Variants in SMARCA2 observed in about 807,000 individuals in gnomAD.
SMARCA2 encodes the protein SWI/SNF-related matrix-associated actin-dependent regulator of chromatin subfamily A member 2.
A neutral mutation model predicts 199.8 loss-of-function variants in SMARCA2; 61 were observed. The observed-to-expected ratio is 0.31, with a 90% confidence interval of 0.25 to 0.38. SMARCA2 has a LOEUF of 0.38. SMARCA2 is among the 10% of genes least tolerant of loss of function. SMARCA2 has a pLI of 1.00. For synonymous variants in SMARCA2, 935 were observed against 732.0 expected (o/e 1.28, Z -4.48); for missense variants, 1,344 against 2,012.2 (o/e 0.67, Z 6.35).
intron 27 of SMARCA2, among the ~76,000 whole-genome samples, chr9:2,152,417 G>GTGGCTCA (rs1825124461): frequency 6.6e-6 from 1 of 152,116 alleles, no homozygotes; most frequent in Admixed American, 6.5e-5. Flanking sequence ...GCCAGGTGTG[G>GTGGCTCA]TGGCTCATGG....
At chr9:2,164,763 T>G (rs907440283) in intron 28 of SMARCA2, among the ~76,000 whole-genome samples, 1 of 152,210 alleles carries the variant, frequency 6.6e-6, no homozygotes, top group African/African-American at 2.4e-5. Flanking sequence ...ATTGAGTAGC[T>G]TTTTCTTTTT....
intron 23 of SMARCA2, among the ~76,000 whole-genome samples, chr9:2,107,404 G>A (rs1274514045): frequency 6.6e-6 from 1 of 152,096 alleles, no homozygotes; most frequent in African/African-American, 2.4e-5. Context: ...TGCAACCTCC[G>A]CCTCCTGGGT....
rs560895105 is a variant in SMARCA2 at position 2,158,728 on chromosome 9, T to A, written c.3982-2958T>A. 1.2e-5 allele frequency: 5 copies of A among 428,282 alleles called. No homozygotes were observed. The South Asian group carries it at 2.5e-4, about 21-fold the overall frequency. The allele number at this position is 428,282 out of a possible 1,614,324, so 26.5% of individuals were successfully genotyped here. On this transcript the variant is annotated intron_variant, in intron 27 of 33. Transcript: ENST00000349721. ...TGAGCCAGTTTAGTAAATAATTTTT[T>A]AAAATAAAAGAACAGTTTAAAATCT... is the stretch of plus-strand genomic sequence containing the variant.
chr9:2,116,586 C>T (rs1823227226), intron 25 of SMARCA2, among the ~76,000 whole-genome samples: 1 of 152,166 alleles, frequency 6.6e-6, no homozygotes, highest in African/African-American at 2.4e-5. Context: ...TCTTTAAGAG[C>T]TGTCTGAAGG....
chr9:2,190,762 G>GTGTT (rs1827823323), intron 32 of SMARCA2, among the ~76,000 whole-genome samples: 1 of 152,002 alleles, frequency 6.6e-6, no homozygotes, highest in Non-Finnish European at 1.5e-5. Flanking sequence ...GCATTCAAAA[G>GTGTT]TGTTTTCTTT....
intron 32 of SMARCA2, among the ~76,000 whole-genome samples, chr9:2,190,759 A>G (rs1223515624): frequency 6.6e-6 from 1 of 152,210 alleles, no homozygotes; most frequent in Non-Finnish European, 1.5e-5. Flanking sequence ...GAAGCATTCA[A>G]AAGTGTTTTC....
chr9:2,138,571 A>C (rs1174969169), intron 27 of SMARCA2, among the ~76,000 whole-genome samples: 4 of 152,230 alleles, frequency 2.6e-5, no homozygotes, highest in African/African-American at 9.6e-5. Flanking sequence ...GGCTTCCCAT[A>C]GTCCGTTCTT....
intron 27 of SMARCA2, chr9:2,157,868 G>A (rs555849385): frequency 7.5e-6 from 3 of 398,600 alleles, no homozygotes; most frequent in East Asian, 3.6e-5. Flanking sequence ...TGGACCTGCC[G>A]TCACGCAGTA....
chr9:2,087,019 G>A lies in SMARCA2; in HGVS notation c.2717G>A (p.Cys906Tyr), dbSNP rs746049324. 1 of 1,614,144 alleles carries A rather than the reference G, an allele frequency of 6.2e-7. No individual in the cohort carries two copies. Among genetic ancestry groups the A allele is most frequent in the South Asian group, 1.1e-5 (1 of 91,084 alleles). Residue 906 changes from cysteine to tyrosine, a missense_variant, in exon 18 of 34, where the codon TGC becomes TAC. Cys to Tyr is a radical substitution (Grantham distance 194). Transcript: ENST00000349721. ...NFLLPTIFKS[C>Y]STFEQWFNAP... ...CTCCTCCCAACAATTTTTAAGAGCT[G>A]CAGCACATTTGAACAATGGTTCAAT...
chr9:2,111,367 T>C (rs1346302466), intron 24 of SMARCA2, among the ~76,000 whole-genome samples: 1 of 151,624 alleles, frequency 6.6e-6, no homozygotes, highest in Non-Finnish European at 1.5e-5. Flanking sequence ...CACTTATACC[T>C]GTAGTCCCAA....
At chr9:2,156,580 C>G (rs961622988) in intron 27 of SMARCA2, among the ~76,000 whole-genome samples, 1 of 151,736 alleles carries the variant, frequency 6.6e-6, no homozygotes, top group African/African-American at 2.4e-5. Flanking sequence ...ACAGGGCATG[C>G]GCCACCATGC....
intron 14 of SMARCA2, chr9:2,079,820 G>A (rs187415836): frequency 1.3e-5 from 2 of 152,274 alleles, no homozygotes; most frequent in Admixed American, 1.3e-4. Context: ...TGAATTATTT[G>A]TGAATAACTT....
At position 2,160,578 on chromosome 9, in the gene SMARCA2, A is replaced by G. The variant is rs189111247; in HGVS notation, c.3982-1108A>G. The G allele has an allele frequency of 7.1e-4, 500 of 702,342 alleles. 1 individual carries two copies. The highest frequency in any genetic ancestry group is 1.3e-3 in the Admixed American group (64 of 49,994). 43.5% of individuals were successfully genotyped at this position (702,342 alleles called of 1,614,324 possible). A position where few individuals can be genotyped will look rare whatever the true frequency, so the allele number is the denominator to read the frequency against. Reference sequence around the variant, plus strand: ...TTATATTGATTGTTATACTCACATGATCATAAATATTAGCCATGTTTGGTG... The same window carrying G: ...TTATATTGATTGTTATACTCACATGGTCATAAATATTAGCCATGTTTGGTG... On this transcript the variant is annotated intron_variant, in intron 27 of 33. Coordinates refer to ENST00000349721, the MANE Select transcript of SMARCA2 (RefSeq NM_003070.5).
chr9:2,087,134 G>T, intron 18 of SMARCA2, 63 bp downstream of exon 18: 1 of 1,595,136 alleles, frequency 6.3e-7, no homozygotes, highest in Non-Finnish European at 8.6e-7. Context: ...AGGCCCTAAA[G>T]CTGAGAACAT....
At position 2,161,545 on chromosome 9, in the gene SMARCA2, T is replaced by A. The variant is rs1825674944; in HGVS notation, c.3982-141T>A. On this transcript the variant is annotated intron_variant, in intron 27 of 33. Coordinates refer to ENST00000349721, the MANE Select transcript of SMARCA2 (RefSeq NM_003070.5). The surrounding 1 kb of genome is among the most constrained non-coding windows in gnomAD (Gnocchi z 4.7). ...TCCTTTTTTCTTCTTCCTCCACTGA[T>A]TACTGTTAACTTTTACTTTTTTTTG... The A allele has an allele frequency of 3.2e-6, 2 of 619,184 alleles. No individual in the cohort carries two copies. The highest frequency in any genetic ancestry group is 4.2e-5 in the South Asian group (2 of 47,528). The allele number at this position is 619,184 out of a possible 1,614,324, so 38.4% of individuals were successfully genotyped here.
chr9:2,026,473 TACA>T (rs1439576365), intron 1 of SMARCA2, among the ~76,000 whole-genome samples: 2 of 152,232 alleles, frequency 1.3e-5, no homozygotes, highest in Non-Finnish European at 2.9e-5. Context: ...TATGAGTAAT[TACA>T]ACATTCTCTG....
At chr9:2,064,441 A>G in intron 9 of SMARCA2, among the ~76,000 whole-genome samples, 1 of 152,238 alleles carries the variant, frequency 6.6e-6, no homozygotes, top group South Asian at 2.1e-4. Flanking sequence ...ACATATAGTA[A>G]GTGCTCAGTA....
chr9:2,076,998 A>G (rs576642766), intron 13 of SMARCA2, among the ~76,000 whole-genome samples: 21 of 152,306 alleles, frequency 1.4e-4, no homozygotes, highest in Middle Eastern at 6.8e-3. Flanking sequence ...TCTCCCTTTT[A>G]TTCCATGGTT....
chr9:2,076,471 T>C (rs1821328608), intron 13 of SMARCA2, 142 bp downstream of exon 13: 1 of 604,374 alleles, frequency 1.7e-6, no homozygotes, highest in African/African-American at 1.9e-5. Context: ...AGGTCACCAC[T>C]GAGTTCTGGG....
Sources: gnomAD v4.1 joint callset for allele counts (sites outside exome capture counted in the v4.1 genomes callset) on GRCh38, gnomAD v4.1.1 for gene constraint, Gnocchi (gnomAD v3.1) non-coding constraint, MANE v1.5 for transcripts, NCBI Gene and HGNC (gene_info 2026-07-23, HGNC 2026-07-21) for gene names.